Variants in PRDM16 observed in about 807,000 individuals in gnomAD.
The protein encoded by PRDM16 is histone-lysine N-methyltransferase PRDM16.
PRDM16 carries 23 observed loss-of-function variants against 110.6 expected under a neutral mutation model. That is an observed-to-expected ratio of 0.21 (90% CI 0.15 to 0.29). The LOEUF (loss-of-function observed/expected upper bound fraction) is 0.29. PRDM16 is among the 10% of genes least tolerant of loss of function. The pLI is 1.00. For synonymous variants in PRDM16, 799 were observed against 781.8 expected, an observed-to-expected ratio of 1.02 and a Z score of -0.37; for missense variants, 1,615 against 1,794.3, an observed-to-expected ratio of 0.90 and a Z score of 1.81.
Position 3,425,805 on chromosome 1 carries a change from A to G in PRDM16, c.3109+55A>G, listed in dbSNP as rs1569773743. The G allele has an allele frequency of 3.1e-6, 5 of 1,599,930 alleles. No individual in the cohort carries two copies. The East Asian group carries it at 1.1e-4, about 36-fold the overall frequency. On this transcript the variant is annotated intron_variant, in intron 13 of 16. Coordinates refer to ENST00000270722, the MANE Select transcript of PRDM16 (RefSeq NM_022114.4). The surrounding 1 kb of genome is among the most constrained non-coding windows in gnomAD (Gnocchi z 6.9). Reference sequence around the variant, plus strand: ...GAGCACCCACACGGGCAGGCCCCACAGAGGGGGAGGGGGAACAGCAGGGGA... The same window carrying G: ...GAGCACCCACACGGGCAGGCCCCACGGAGGGGGAGGGGGAACAGCAGGGGA...
intron 5 of PRDM16, among the ~76,000 whole-genome samples, chr1:3,398,980 C>T (rs1643427124): frequency 6.6e-6 from 1 of 152,208 alleles, no homozygotes; most frequent in East Asian, 1.9e-4. Context: ...GGGCTGGACA[C>T]ATTCCCTCTG....
At chr1:3,284,194 C>G (rs10909915) in intron 3 of PRDM16, among the ~76,000 whole-genome samples, 1 of 152,174 alleles carries the variant, frequency 6.6e-6, no homozygotes, top group Admixed American at 6.5e-5. Flanking sequence ...CAAAGCACAC[C>G]GGTTTGCAAA....
intron 1 of PRDM16, among the ~76,000 whole-genome samples, chr1:3,135,368 G>A (rs796145738): frequency 1.3e-5 from 2 of 152,178 alleles, no homozygotes; most frequent in African/African-American, 4.8e-5. Context: ...CACCGACCAC[G>A]GGCCCGACAT....
At chr1:3,362,716 T>C (rs1256745570) in intron 3 of PRDM16, among the ~76,000 whole-genome samples, 1 of 152,110 alleles carries the variant, frequency 6.6e-6, no homozygotes, top group African/African-American at 2.4e-5. Flanking sequence ...GGAGCCCTCT[T>C]GAGGCTGTCA....
intron 14 of PRDM16, among the ~76,000 whole-genome samples, chr1:3,427,916 G>A (rs1638658030): frequency 6.6e-6 from 1 of 152,202 alleles, no homozygotes; most frequent in South Asian, 2.1e-4. Context: ...AGCCGCATGG[G>A]AGCTGTTCGT....
Position 3,175,926 on chromosome 1 carries a change from G to T in PRDM16, c.38-10199G>T, listed in dbSNP as rs1319156879. 6.6e-6 allele frequency among the ~76,000 whole-genome samples: 1 copy of T among 152,046 alleles called. No individual in the cohort carries two copies. Among genetic ancestry groups the T allele is most frequent in the East Asian group, 1.9e-4 (1 of 5,190 alleles). The stretch of plus-strand genomic sequence containing the variant: ...CCTTCTACCTCTTCTGTTGGAAACT[G>T]CCCTGGAGGTTGCCCTTACCCCATC... On this transcript the variant is annotated intron_variant, in intron 1 of 16. Coordinates refer to ENST00000270722, the MANE Select transcript of PRDM16 (RefSeq NM_022114.4). The surrounding 1 kb of genome is among the most constrained non-coding windows in gnomAD (Gnocchi z 4.8).
intron 3 of PRDM16, among the ~76,000 whole-genome samples, chr1:3,362,822 G>A (rs996419001): frequency 6.6e-5 from 10 of 152,250 alleles, no homozygotes; most frequent in Non-Finnish European, 1.2e-4. Context: ...TCCAGGGAGC[G>A]TCGGGGAGCC....
At chr1:3,192,289 T>C (rs1222417465) in intron 2 of PRDM16, among the ~76,000 whole-genome samples, 1 of 152,144 alleles carries the variant, frequency 6.6e-6, no homozygotes, top group East Asian at 1.9e-4. Context: ...TCTTGGGGCA[T>C]GCGGGTTGGG....
At chr1:3,116,036 C>T (rs1642950858) in intron 1 of PRDM16, among the ~76,000 whole-genome samples, 1 of 152,190 alleles carries the variant, frequency 6.6e-6, no homozygotes, top group African/African-American at 2.4e-5. Context: ...GGCTCGATGG[C>T]AGGTGCTAAA....
At chr1:3,391,848 C>A (rs1387887797) in intron 4 of PRDM16, among the ~76,000 whole-genome samples, 2 of 152,222 alleles carry the variant, frequency 1.3e-5, no homozygotes, top group African/African-American at 4.8e-5. Flanking sequence ...CAGGCGTGCA[C>A]AGGGTAGGGA....
rs78466523 is a variant in PRDM16 at position 3,187,222 on chromosome 1, C to A, written c.387+748C>A. On this transcript the variant is annotated intron_variant, in intron 2 of 16. Coordinates refer to ENST00000270722, the MANE Select transcript of PRDM16 (RefSeq NM_022114.4). Reference sequence around the variant, plus strand: ...AGGGGGACTAACAGCCCCACCCCCCCACAAAAAGTGCACTTCCTGGTGGGC... The same window carrying A: ...AGGGGGACTAACAGCCCCACCCCCCAACAAAAAGTGCACTTCCTGGTGGGC... Among the ~76,000 whole-genome samples, 1,070 of 152,284 alleles carry A rather than the reference C, an allele frequency of 7.0e-3. 10 individuals carry two copies. The highest frequency in any genetic ancestry group is 0.013 in the Non-Finnish European group (867 of 68,010).
chr1:3,349,808 G>A (rs981864336), intron 3 of PRDM16, among the ~76,000 whole-genome samples: 42 of 152,310 alleles, frequency 2.8e-4, no homozygotes, highest in Middle Eastern at 3.4e-3. Flanking sequence ...TGCTGGCCAC[G>A]GTGCTGGGCT....
intron 2 of PRDM16, among the ~76,000 whole-genome samples, chr1:3,197,961 A>T (rs1033056563): frequency 6.6e-6 from 1 of 151,616 alleles, no homozygotes; most frequent in African/African-American, 2.4e-5. Flanking sequence ...TGTGGCAGGA[A>T]TTCTCATGGG....
At chr1:3,261,747 T>C (rs1173989371) in intron 3 of PRDM16, among the ~76,000 whole-genome samples, 1 of 152,120 alleles carries the variant, frequency 6.6e-6, no homozygotes, top group African/African-American at 2.4e-5. Flanking sequence ...GCCTGCCTCC[T>C]GAAAGAACTG....
rs150037261 is a variant in PRDM16, at chr1:3,360,056, T to A, written c.439-25096T>A. On this transcript the variant is annotated intron_variant, in intron 3 of 16. Transcript: ENST00000270722. The stretch of plus-strand genomic sequence containing the variant: ...CGGGCCGCCATCCCTTGTCCCCAAC[T>A]GTCACATCTCTGAAAGCTCTGGTAA... Among the ~76,000 whole-genome samples the A allele has an allele frequency of 1.1e-3, 158 of 141,864 alleles. 1 individual carries two copies. The East Asian group carries it at 0.012, about 11-fold the overall frequency. 93.1% of individuals were successfully genotyped at this position (141,864 alleles called of 152,430 possible).
intron 2 of PRDM16, among the ~76,000 whole-genome samples, chr1:3,217,533 C>T (rs999070852): frequency 6.6e-6 from 1 of 152,180 alleles, no homozygotes; most frequent in Non-Finnish European, 1.5e-5. Flanking sequence ...CTCAAGAGTG[C>T]CTGGGAGCAT....
At chr1:3,124,056 G>T (rs1380275728) in intron 1 of PRDM16, among the ~76,000 whole-genome samples, 1 of 152,166 alleles carries the variant, frequency 6.6e-6, no homozygotes, top group African/African-American at 2.4e-5. Context: ...CTGCCTTTGG[G>T]ACCCCATGTT....
intron 2 of PRDM16, among the ~76,000 whole-genome samples, chr1:3,224,801 T>A (rs1009192085): frequency 1.3e-5 from 2 of 152,228 alleles, no homozygotes; most frequent in Non-Finnish European, 2.9e-5. Context: ...GGTGCCACCC[T>A]GGTTCCGAGG....
intron 3 of PRDM16, among the ~76,000 whole-genome samples, chr1:3,377,569 G>A (rs907518407): frequency 3.3e-5 from 5 of 152,330 alleles, no homozygotes; most frequent in Middle Eastern, 3.4e-3. Flanking sequence ...GCCCGGCGCC[G>A]GGGAGTGGGA....
Sources: allele counts gnomAD v4.1 joint callset (sites outside exome capture counted in the v4.1 genomes callset), GRCh38; gene constraint gnomAD v4.1.1; non-coding constraint Gnocchi (gnomAD v3.1); transcripts MANE v1.5; gene names NCBI Gene and HGNC (gene_info 2026-07-23, HGNC 2026-07-21).